The following PGBD2 variants were observed in gnomAD, a reference collection of about 807,000 sequenced individuals.
The protein encoded by PGBD2 is piggyBac transposable element derived 2, also known as piggyBac transposable element-derived protein 2.
PGBD2 carries 6 observed loss-of-function variants against 8.1 expected under a neutral mutation model. The ratio of observed to expected loss-of-function variants is 0.74; its 90% CI spans 0.40 to 1.46. PGBD2 has a LOEUF of 1.46. Ranked by LOEUF, PGBD2 falls within the 40% of genes most tolerant of loss-of-function variation. PGBD2 has a pLI of 0.02. For missense variants in PGBD2, 802 were observed against 739.0 expected, an observed-to-expected ratio of 1.09 and a Z score of -0.99; for synonymous variants, 318 against 272.2, an observed-to-expected ratio of 1.17 and a Z score of -1.66.
the PGBD2 span, among the ~76,000 whole-genome samples, chr1:248,875,309 A>AAAAAAAAAAAAAAAAAAAAAG: frequency 1.4e-5 from 1 of 70,878 alleles, no homozygotes; most frequent in Non-Finnish European, 2.4e-5. Context: ...AAAACAAAAC[A>AAAAAAAAAAAAAAAAAAAAAG]AAAAAAAAAA....
chr1:248,895,005 A>G, the PGBD2 span, among the ~76,000 whole-genome samples: 4 of 152,002 alleles, frequency 2.6e-5, no homozygotes, highest in Admixed American at 6.6e-5. Flanking sequence ...GGATCTTGCT[A>G]TGTTGTCCAG....
the PGBD2 span, among the ~76,000 whole-genome samples, chr1:248,883,629 C>T: frequency 2.6e-4 from 34 of 128,776 alleles, no homozygotes; most frequent in Non-Finnish European, 2.4e-4. Flanking sequence ...GCTCCTGTCG[C>T]CTTGTCGCCC....
rs746067721 is a variant in PGBD2, at chr1:248,916,824, G to T, written c.240G>T (p.Leu80=). The change falls in exon 3 of 3, where the codon CTG becomes CTT. Residue 80 remains leucine (L), a synonymous_variant. Transcript: ENST00000329291. ...LPGSVLHASV[L]CEDSGTGEDN... ...GCAGTGTGCTGCATGCTTCAGTCCT[G>T]TGTGAGGACTCTGGCACCGGGGAGG... is the stretch of plus-strand genomic sequence containing the variant. 4.3e-6 allele frequency: 7 copies of T among 1,614,182 alleles called. No individual in the cohort carries two copies. Among genetic ancestry groups the T allele is most frequent in the Non-Finnish European group, 5.1e-6 (6 of 1,180,028 alleles).
At position 248,917,811 on chromosome 1, in the gene PGBD2, C is replaced by T. The variant is rs770414995; in HGVS notation, c.1227C>T (p.Ile409=). 23 of 1,614,062 alleles carry T rather than the reference C, an allele frequency of 1.4e-5. No individual in the cohort carries two copies. Among genetic ancestry groups the T allele is most frequent in the Admixed American group, 5.0e-5 (3 of 60,000 alleles). The part of the protein sequence containing the change: ...DYKVDESEEI[I]VCRWHDSSVV... ...AAGTCGATGAGAGTGAGGAGATCAT[C>T]GTGTGCCGCTGGCACGATAGCAGCG... The change falls in exon 3 of 3, where the codon ATC becomes ATT. Residue 409 remains isoleucine (I), a synonymous_variant. Transcript: ENST00000329291.
chr1:248,923,622 C>G (rs572310448), downstream of PGBD2, among the ~76,000 whole-genome samples: 2 of 152,356 alleles, frequency 1.3e-5, no homozygotes, highest in South Asian at 4.1e-4. Context: ...AAAAAACACT[C>G]TAGTGTTCTA....
At chr1:248,877,959 C>G in the PGBD2 span, among the ~76,000 whole-genome samples, 39 of 152,190 alleles carry the variant, frequency 2.6e-4, no homozygotes, top group African/African-American at 7.5e-4. Flanking sequence ...CTAAAAGAAA[C>G]AGTGTAGCAC....
chr1:248,927,434 G>A, the PGBD2 span, among the ~76,000 whole-genome samples: 1 of 152,188 alleles, frequency 6.6e-6, no homozygotes, highest in South Asian at 2.1e-4. Flanking sequence ...GCAATAGGTA[G>A]CATTCTAAAC....
chr1:248,896,136 G>A, the PGBD2 span, among the ~76,000 whole-genome samples: 4 of 151,990 alleles, frequency 2.6e-5, no homozygotes, highest in Admixed American at 6.6e-5. Context: ...CCATTCCTGA[G>A]TTACTTCACT....
At chr1:248,906,730 A>G in intron 1 of PGBD2, among the ~76,000 whole-genome samples, 1 of 151,030 alleles carries the variant, frequency 6.6e-6, no homozygotes, top group East Asian at 2.0e-4. Context: ...ATGCCACGTC[A>G]CATCCTGGGG....
the PGBD2 span, among the ~76,000 whole-genome samples, chr1:248,901,171 C>T: frequency 6.6e-6 from 1 of 152,080 alleles, no homozygotes; most frequent in Non-Finnish European, 1.5e-5. Flanking sequence ...ATTGCCCAAA[C>T]TAATTTATAG....
chr1:248,920,142 A>G (rs1662254714), downstream of PGBD2, among the ~76,000 whole-genome samples: 1 of 151,494 alleles, frequency 6.6e-6, no homozygotes, highest in South Asian at 2.1e-4. Flanking sequence ...CTCCCAGTAT[A>G]TATCTTTTTT....
intron 1 of PGBD2, 54 bp from the exon 2 acceptor site, chr1:248,913,762 G>A (rs1661992686): frequency 2.2e-6 from 2 of 899,544 alleles, no homozygotes. Flanking sequence ...AGATCCTGTT[G>A]CCTTGCTTCT....
Position 248,917,606 on chromosome 1 carries a change from G to A in PGBD2, c.1022G>A (p.Arg341His), listed in dbSNP as rs747459746. ...VIKFVDALQE[R>H]GFLPYHIFFD... ...AAATTTGTGGATGCGCTTCAGGAGCGTGGTTTTCTGCCATATCACATATTT... is the reference window on the plus strand; with the variant it reads ...AAATTTGTGGATGCGCTTCAGGAGCATGGTTTTCTGCCATATCACATATTT... The change falls in exon 3 of 3, where the codon CGT (arginine) becomes CAT (histidine). Residue 341 changes from arginine (R) to histidine (H), a missense_variant. Coordinates refer to ENST00000329291, the MANE Select transcript of PGBD2 (RefSeq NM_170725.3). The A allele has an allele frequency of 1.7e-5, 28 of 1,614,188 alleles. No individual in the cohort carries two copies. The East Asian group carries it at 1.8e-4, about 10-fold the overall frequency.
chr1:248,883,507 C>T, the PGBD2 span, among the ~76,000 whole-genome samples: 5 of 151,244 alleles, frequency 3.3e-5, no homozygotes, highest in African/African-American at 1.2e-4. Flanking sequence ...GGATATTAGG[C>T]CTTTTTCAGA....
the PGBD2 span, among the ~76,000 whole-genome samples, chr1:248,929,564 G>C: frequency 6.6e-6 from 1 of 152,190 alleles, no homozygotes; most frequent in Non-Finnish European, 1.5e-5. Context: ...CTCCCCTTGT[G>C]TTAGGCAATG....
the PGBD2 span, among the ~76,000 whole-genome samples, chr1:248,926,173 C>T: frequency 7.2e-5 from 11 of 152,216 alleles, no homozygotes; most frequent in Middle Eastern, 3.4e-3. Context: ...TGCAGGGACA[C>T]GTGTTGTTCT....
intron 1 of PGBD2, among the ~76,000 whole-genome samples, chr1:248,906,685 A>G (rs1249064296): frequency 7.8e-5 from 7 of 90,252 alleles, no homozygotes; most frequent in African/African-American, 3.3e-4. Flanking sequence ...GGGACGAAGG[A>G]GGCGGGCGGC....
chr1:248,901,493 T>C (rs183965667), upstream of PGBD2, among the ~76,000 whole-genome samples: 34 of 152,118 alleles, frequency 2.2e-4, no homozygotes, highest in African/African-American at 7.7e-4. Context: ...AATGAAGAAA[T>C]AATTCTCTAT....
At chr1:248,914,892 C>T (rs1037863787) in intron 2 of PGBD2, among the ~76,000 whole-genome samples, 11 of 152,178 alleles carry the variant, frequency 7.2e-5, no homozygotes, top group Non-Finnish European at 1.2e-4. Flanking sequence ...CCTGCAGCCT[C>T]GCTGATCTCC....
Sources: gnomAD v4.1 joint callset for allele counts (sites outside exome capture counted in the v4.1 genomes callset) on GRCh38, gnomAD v4.1.1 for gene constraint, MANE v1.5 for transcripts, NCBI Gene and HGNC (gene_info 2026-07-23, HGNC 2026-07-21) for gene names.